Variants in HSPG2 observed in about 807,000 individuals in gnomAD.
The protein encoded by HSPG2 is basement membrane-specific heparan sulfate proteoglycan core protein.
In HSPG2, 278 loss-of-function variants were observed where a neutral mutation model predicts 526.6. That is an observed-to-expected ratio of 0.53 (90% CI 0.48 to 0.58). The LOEUF (loss-of-function observed/expected upper bound fraction) is 0.58. HSPG2 is among the 20% of genes least tolerant of loss of function. The pLI is 0.00. For missense variants in HSPG2, 5,354 were observed against 6,099.5 expected, an observed-to-expected ratio of 0.88 and a Z score of 4.07; for synonymous variants, 2,465 against 2,555.4, an observed-to-expected ratio of 0.96 and a Z score of 1.07.
chr1:21,890,399 C>T lies in HSPG2; in HGVS notation c.413+28G>A. On this transcript the variant is annotated intron_variant, in intron 5 of 96. Coordinates refer to ENST00000374695, the MANE Select transcript of HSPG2 (RefSeq NM_005529.7). The surrounding 1 kb of genome is among the most constrained non-coding windows in gnomAD (Gnocchi z 4.1). ...CTCCAGGTTACCCGCTCAAGTCCCC[C>T]AGCAGCCCCCAGGGAGCCCCTTCTC... is the stretch of plus-strand genomic sequence containing the variant. 4 of 1,611,020 alleles carry T rather than the reference C, an allele frequency of 2.5e-6. No homozygotes were observed. The highest frequency in any genetic ancestry group is 1.7e-5 in the Admixed American group (1 of 59,996).
At position 21,823,406 on chromosome 1, in the gene HSPG2, G is replaced by A. The variant is rs1247850078; in HGVS notation, c.13086C>T (p.His4362=). The A allele has an allele frequency of 2.5e-6, 4 of 1,576,764 alleles. No individual in the cohort carries two copies. Among genetic ancestry groups the A allele is most frequent in the Non-Finnish European group, 3.4e-6 (4 of 1,166,190 alleles). The change falls in exon 97 of 97, where the codon CAC becomes CAT. Residue 4362 remains histidine, a synonymous_variant. Transcript: ENST00000374695. Reference sequence around the variant, plus strand: ...GGGGCGGGGCGCCGGGTCGGGCCGAGTGCAGCACCAGGTTCTTGACACAGC... The same window carrying A: ...GGGGCGGGGCGCCGGGTCGGGCCGAATGCAGCACCAGGTTCTTGACACAGC... ...ITGCVKNLVL[H]SARPGAPPPQ...
At position 21,878,297 on chromosome 1, in the gene HSPG2, T is replaced by C. The variant is rs768242315; in HGVS notation, c.2618-44A>G. ...GTTGGCAGGGCAGGTGGGAATGGGA[T>C]ATACGTGGTCCGGGCAGATAGAGGA... is the stretch of plus-strand genomic sequence containing the variant. On this transcript the variant is annotated intron_variant, in intron 20 of 96. Transcript: ENST00000374695. The C allele has an allele frequency of 6.2e-6, 10 of 1,605,086 alleles. No individual in the cohort carries two copies. The African/African-American group carries it at 1.2e-4, about 19-fold the overall frequency.
At position 21,855,363 on chromosome 1, in the gene HSPG2, C is replaced by A. The variant is rs62642520; in HGVS notation, c.5938G>T (p.Ala1980Ser). ...GRTVRLYCRA[A>S]GVPSATITWR... ...GTGATGGTGGCGCTAGGCACGCCTGCAGCCCTGCAGTACAGCCTGACGGTG... is the reference window on the plus strand; with the variant it reads ...GTGATGGTGGCGCTAGGCACGCCTGAAGCCCTGCAGTACAGCCTGACGGTG... The change falls in exon 47 of 97, where the codon GCA becomes TCA. Residue 1980 changes from alanine to serine, a missense_variant. Physicochemically the swap from Ala to Ser is moderately conservative, Grantham distance 99. Transcript: ENST00000374695. 9 of 1,611,670 alleles carry A rather than the reference C, an allele frequency of 5.6e-6. No homozygotes were observed. The highest frequency in any genetic ancestry group is 6.8e-6 in the Non-Finnish European group (8 of 1,179,438).
chr1:21,896,458 C>A, intron 1 of HSPG2, 148 bp from the exon 2 acceptor site: 1 of 985,402 alleles, frequency 1.0e-6, no homozygotes, highest in Non-Finnish European at 1.6e-6. Context: ...GTGAGCCAGG[C>A]TGGGGCTGAA....
rs1004903052 is a variant in HSPG2 at position 21,828,569 on chromosome 1, G to A, written c.12238-143C>T. 2 of 930,860 alleles carry A rather than the reference G, an allele frequency of 2.1e-6. No homozygotes were observed. The highest frequency in any genetic ancestry group is 3.3e-5 in the African/African-American group (2 of 61,090). The allele number at this position is 930,860 out of a possible 1,614,324, so 57.7% of individuals were successfully genotyped here. A position where few individuals can be genotyped will look rare whatever the true frequency, so the allele number is the denominator to read the frequency against. On this transcript the variant is annotated intron_variant, in intron 88 of 96. Coordinates refer to ENST00000374695, the MANE Select transcript of HSPG2 (RefSeq NM_005529.7). This position sits in a 1 kb window ranked among gnomAD's most constrained non-coding sequence, Gnocchi z 6.0. The stretch of plus-strand genomic sequence containing the variant: ...GTAGCATGGATTCTCGGTGTGGGGA[G>A]GGAGGCGCAGGAGTTGAGTGCCTAC...
rs369106960 is a variant in HSPG2, at chr1:21,874,671, C to T, written c.3473G>A (p.Arg1158His). The change falls in exon 27 of 97, where the codon CGC (arginine) becomes CAC (histidine). Residue 1158 changes from arginine (R) to histidine (H), a missense_variant. Transcript: ENST00000374695. ...PSGLYLGTCE[R>H]CSCHGHSEAC... The stretch of plus-strand genomic sequence containing the variant: ...CTCTGAGTGGCCATGGCAGCTGCAG[C>T]GTTCACAGGTACCCAGGTAGAGGCC... 35 of 1,612,292 alleles carry T rather than the reference C, an allele frequency of 2.2e-5. No individual in the cohort carries two copies. The highest frequency in any genetic ancestry group is 1.2e-4 in the Admixed American group (7 of 59,754).
intron 39 of HSPG2, 60 bp downstream of exon 39, chr1:21,861,697 C>G (rs1639801240): frequency 9.5e-6 from 14 of 1,479,284 alleles, no homozygotes; most frequent in South Asian, 8.0e-5. Context: ...CTTTAAGGCT[C>G]TCACTTGGGA....
chr1:21,886,883 C>A (rs568291204), intron 9 of HSPG2, among the ~76,000 whole-genome samples: 24 of 152,064 alleles, frequency 1.6e-4, no homozygotes, highest in African/African-American at 5.8e-4. Flanking sequence ...GCCATTCATC[C>A]GACCCACATA....
Position 21,824,120 on chromosome 1 carries a change from C to A in HSPG2, c.12899+1G>T. ...CCCGAGTGCCCGGCAGGGTCCCTTA[C>A]CGCAGTGCTGTCACCCGGTGCCACT... On this transcript the variant is annotated splice_donor_variant, in intron 95 of 96. Transcript: ENST00000374695. LOFTEE classifies it high-confidence loss of function. The surrounding 1 kb of genome is among the most constrained non-coding windows in gnomAD (Gnocchi z 5.9). 6.2e-7 allele frequency: 1 copy of A among 1,612,658 alleles called. No homozygotes were observed. The highest frequency in any genetic ancestry group is 8.5e-7 in the Non-Finnish European group (1 of 1,179,758).
At position 21,876,245 on chromosome 1, in the gene HSPG2, C is replaced by G; in HGVS notation, c.2987G>C (p.Arg996Pro). Residue 996 changes from arginine to proline, a missense_variant, in exon 23 of 97, where the codon CGC becomes CCC. Coordinates refer to ENST00000374695, the MANE Select transcript of HSPG2 (RefSeq NM_005529.7). ...SGPYFWSLPS[R>P]FLGDKVTSYG... Reference sequence around the variant, plus strand: ...ACTACCCACCTTGTCCCCCAGGAAGCGTGAAGGGAGGCTCCAGAAGTAGGG... The same window carrying G: ...ACTACCCACCTTGTCCCCCAGGAAGGGTGAAGGGAGGCTCCAGAAGTAGGG... 2 of 1,610,968 alleles carry G rather than the reference C, an allele frequency of 1.2e-6. No homozygotes were observed. The highest frequency in any genetic ancestry group is 1.7e-6 in the Non-Finnish European group (2 of 1,178,616).
intron 1 of HSPG2, among the ~76,000 whole-genome samples, chr1:21,919,706 C>T (rs940121457): frequency 1.3e-5 from 2 of 152,172 alleles, no homozygotes; most frequent in Admixed American, 6.5e-5. Flanking sequence ...CGTGCAGATT[C>T]TGAGTCAGTA....
At chr1:21,879,216 T>A in intron 17 of HSPG2, 95 bp from the exon 18 acceptor site, 1 of 1,455,810 alleles carries the variant, frequency 6.9e-7, no homozygotes, top group Non-Finnish European at 9.6e-7. Context: ...AGCCTCCCCA[T>A]CACGCTGGAG....
intron 13 of HSPG2, among the ~76,000 whole-genome samples, chr1:21,883,004 C>T (rs904248063): frequency 3.2e-4 from 48 of 152,154 alleles, no homozygotes; most frequent in African/African-American, 1.1e-3. Context: ...CTCCTGGTCA[C>T]CATCCACACA....
At chr1:21,850,291 A>C in intron 56 of HSPG2, 72 bp downstream of exon 56, 1 of 1,607,976 alleles carries the variant, frequency 6.2e-7, no homozygotes, top group Non-Finnish European at 8.5e-7. Flanking sequence ...TGGCCTCCTG[A>C]TCCTGCCGTT....
chr1:21,849,905 C>G (rs1638751929), intron 57 of HSPG2, 136 bp downstream of exon 57: 1 of 1,090,112 alleles, frequency 9.2e-7, no homozygotes, highest in African/African-American at 1.5e-5. Context: ...GTCTCAAACT[C>G]CTGACCTCGT....
At chr1:21,829,856 TG>T in intron 86 of HSPG2, 136 bp downstream of exon 86, 1 of 830,642 alleles carries the variant, frequency 1.2e-6, no homozygotes. Flanking sequence ...GGCAGACATG[TG>T]GCCAGGTGAC....
At chr1:21,829,103 T>G (rs1343366442) in intron 87 of HSPG2, 24 bp from the exon 88 acceptor site, 1 of 1,529,820 alleles carries the variant, frequency 6.5e-7, no homozygotes, top group Non-Finnish European at 8.8e-7. Context: ...CAGGCAGGGT[T>G]GGGCACATGG....
Position 21,887,128 on chromosome 1 carries a change from T to TTGGGGCGGGGC in HSPG2, c.1078+86_1078+87insGCCCCGCCCCA. On this transcript the variant is annotated intron_variant, in intron 9 of 96. Transcript: ENST00000374695. The surrounding 1 kb of genome is among the most constrained non-coding windows in gnomAD (Gnocchi z 5.0). ...GAGGGGGGAAAGCGGAGGGGCAGGG[T>TTGGGGCGGGGC]AGGGGCGGGGCAGGAGTGGAAGGCG... 1 of 1,130,078 alleles carries TTGGGGCGGGGC rather than the reference T, an allele frequency of 8.8e-7. No homozygotes were observed. The highest frequency in any genetic ancestry group is 1.2e-6 in the Non-Finnish European group (1 of 847,522). The allele number at this position is 1,130,078 out of a possible 1,614,324, so 70.0% of individuals were successfully genotyped here.
chr1:21,885,817 C>A (rs1003450650), intron 9 of HSPG2, among the ~76,000 whole-genome samples: 11 of 152,224 alleles, frequency 7.2e-5, no homozygotes, highest in African/African-American at 2.4e-4. Context: ...CATCTCTGGG[C>A]GCCAGCAATG....
Sources: gnomAD v4.1 joint callset for allele counts (sites outside exome capture counted in the v4.1 genomes callset) on GRCh38, gnomAD v4.1.1 for gene constraint, Gnocchi (gnomAD v3.1) non-coding constraint, MANE v1.5 for transcripts, NCBI Gene and HGNC (gene_info 2026-07-23, HGNC 2026-07-21) for gene names.